The following PXDNL variants were observed in gnomAD, a reference collection of about 807,000 sequenced individuals.
The protein encoded by PXDNL is peroxidasin like.
PXDNL carries 145 observed loss-of-function variants against 150.8 expected under a neutral mutation model. The ratio of observed to expected loss-of-function variants is 0.96; its 90% confidence interval spans 0.84 to 1.10. The LOEUF (loss-of-function observed/expected upper bound fraction) is 1.10, where lower values mean the gene tolerates loss of function less well. Among genes scored for constraint, PXDNL ranks in the 50% least tolerant of loss-of-function variants. The probability of loss-of-function intolerance (pLI) is 0.00; values close to 1 mark genes in which losing one functional copy is unlikely to be tolerated. For synonymous variants in PXDNL, 757 were observed against 725.7 expected (o/e 1.04, Z -0.69); for missense variants, 2,087 against 1,873.9 (o/e 1.11, Z -2.10).
intron 1 of PXDNL, among the ~76,000 whole-genome samples, chr8:51,655,839 C>T (rs1563497581): frequency 2.0e-5 from 3 of 152,180 alleles, no homozygotes; most frequent in Middle Eastern, 6.8e-3. Flanking sequence ...AAAGCGCCAG[C>T]CTAGGAATAA....
intron 2 of PXDNL, among the ~76,000 whole-genome samples, chr8:51,614,224 G>A (rs1274340628): frequency 3.9e-5 from 6 of 152,136 alleles, no homozygotes; most frequent in Non-Finnish European, 1.5e-5. Context: ...GATTATTTCA[G>A]TCATATTAGT....
At chr8:51,404,776 C>CCAGGGTGG (rs969632880) in intron 17 of PXDNL, among the ~76,000 whole-genome samples, 12 of 152,234 alleles carry the variant, frequency 7.9e-5, no homozygotes, top group Non-Finnish European at 1.6e-4. Context: ...GGATCCTGCA[C>CCAGGGTGG]CAGGGTGGCA....
chr8:51,786,358 G>A (rs576068700), intron 1 of PXDNL, among the ~76,000 whole-genome samples: 171 of 152,126 alleles, frequency 1.1e-3, no homozygotes, highest in African/African-American at 3.8e-3. Context: ...ACAGGCGCCC[G>A]CCACCACCCC....
chr8:51,613,483 G>GT (rs1248078823), intron 2 of PXDNL, among the ~76,000 whole-genome samples: 2,202 of 74,362 alleles, frequency 0.03, 69 homozygotes, highest in African/African-American at 0.068. Flanking sequence ...GCTTAAGGGG[G>GT]CGGGGGGGGG....
chr8:51,571,727 C>T (rs891734208), intron 3 of PXDNL, among the ~76,000 whole-genome samples: 7 of 151,720 alleles, frequency 4.6e-5, no homozygotes, highest in African/African-American at 9.7e-5. Flanking sequence ...TGAGTTTTGA[C>T]TCAGTTATGG....
chr8:51,326,890 A>C lies in PXDNL; in HGVS notation c.4147-5993T>G, dbSNP rs79446358. On this transcript the variant is annotated intron_variant, in intron 21 of 22. Transcript: ENST00000356297. ...AGGAGTATTGCAGATGTAACTAGTT[A>C]TGATAAAGTCAGAGTAGAGTGAGCC... is the stretch of plus-strand genomic sequence containing the variant. Among the ~76,000 whole-genome samples, 1,242 of 152,282 alleles carry C rather than the reference A, an allele frequency of 8.2e-3. 12 individuals carry two copies. The highest frequency in any genetic ancestry group is 0.028 in the African/African-American group (1,180 of 41,544).
intron 19 of PXDNL, among the ~76,000 whole-genome samples, chr8:51,370,884 T>A (rs1481296615): frequency 6.6e-6 from 1 of 152,190 alleles, no homozygotes; most frequent in East Asian, 1.9e-4. Context: ...GGCGTGAGCC[T>A]CCGCACCCGG....
chr8:51,355,752 G>A (rs1431099387), intron 19 of PXDNL, among the ~76,000 whole-genome samples: 1 of 152,192 alleles, frequency 6.6e-6, no homozygotes, highest in Non-Finnish European at 1.5e-5. Context: ...ACAAGAACTT[G>A]TGAATATTAT....
intron 2 of PXDNL, among the ~76,000 whole-genome samples, chr8:51,650,932 C>T (rs1046056281): frequency 2.0e-5 from 3 of 152,058 alleles, no homozygotes; most frequent in Admixed American, 6.6e-5. Flanking sequence ...AGACTGTATA[C>T]AGATTGGAAA....
chr8:51,766,866 G>A (rs934584132), intron 1 of PXDNL, among the ~76,000 whole-genome samples: 1 of 151,980 alleles, frequency 6.6e-6, no homozygotes, highest in Admixed American at 6.5e-5. Context: ...TCAAATTTTG[G>A]AATTTGCTGG....
intron 8 of PXDNL, among the ~76,000 whole-genome samples, chr8:51,463,311 C>G (rs528512824): frequency 5.9e-5 from 9 of 152,248 alleles, no homozygotes; most frequent in African/African-American, 2.2e-4. Context: ...TCTAAATGGT[C>G]CATTAAAAAG....
chr8:51,326,227 G>A (rs1297785290), intron 21 of PXDNL, among the ~76,000 whole-genome samples: 1 of 152,220 alleles, frequency 6.6e-6, no homozygotes, highest in Non-Finnish European at 1.5e-5. Flanking sequence ...TCTGTGTGCG[G>A]TGGCTCATGC....
chr8:51,438,288 A>G (rs1268730946), intron 12 of PXDNL, among the ~76,000 whole-genome samples: 3 of 152,098 alleles, frequency 2.0e-5, no homozygotes, highest in Non-Finnish European at 4.4e-5. Flanking sequence ...TACCACCATC[A>G]TTCTTCACAG....
chr8:51,577,986 A>AGAAG (rs1813108134), intron 3 of PXDNL, among the ~76,000 whole-genome samples: 6 of 86,518 alleles, frequency 6.9e-5, no homozygotes, highest in African/African-American at 2.6e-4. Context: ...AAAGAAAGAA[A>AGAAG]GAAAGAAAGA....
intron 3 of PXDNL, among the ~76,000 whole-genome samples, chr8:51,574,146 G>A (rs1190093999): frequency 6.6e-6 from 1 of 151,940 alleles, no homozygotes; most frequent in East Asian, 1.9e-4. Flanking sequence ...TCATAAAAAT[G>A]CCTCAGGAAA....
intron 10 of PXDNL, 124 bp from the exon 11 acceptor site, chr8:51,449,242 C>T: frequency 3.2e-6 from 2 of 627,380 alleles, no homozygotes; most frequent in Non-Finnish European, 5.6e-6. Flanking sequence ...TATATATAAA[C>T]AAGGTTATAA....
chr8:51,777,837 A>C (rs1193800736), intron 1 of PXDNL, among the ~76,000 whole-genome samples: 1 of 152,212 alleles, frequency 6.6e-6, no homozygotes, highest in Non-Finnish European at 1.5e-5. Flanking sequence ...CGGGAGGCGG[A>C]GGTTGCAATG....
chr8:51,571,036 A>T (rs1256359959), intron 3 of PXDNL, among the ~76,000 whole-genome samples: 1 of 151,828 alleles, frequency 6.6e-6, no homozygotes, highest in East Asian at 1.9e-4. Flanking sequence ...CAAAGATCTT[A>T]AACAGTAATA....
At chr8:51,513,988 G>T (rs1158702322) in intron 4 of PXDNL, among the ~76,000 whole-genome samples, 2 of 152,164 alleles carry the variant, frequency 1.3e-5, no homozygotes, top group Admixed American at 1.3e-4. Context: ...CATAACAATG[G>T]TTTTATTTTA....
Sources: gnomAD v4.1 joint callset for allele counts (sites outside exome capture counted in the v4.1 genomes callset) on GRCh38, gnomAD v4.1.1 for gene constraint, MANE v1.5 for transcripts, NCBI Gene and HGNC (gene_info 2026-07-23, HGNC 2026-07-21) for gene names.